Variants in DYNC2LI1 observed in about 807,000 individuals in gnomAD.
The protein encoded by DYNC2LI1 is cytoplasmic dynein 2 light intermediate chain 1.
In DYNC2LI1, 45 loss-of-function variants were observed where a neutral mutation model predicts 51.9. The observed-to-expected ratio is 0.87, with a 90% CI of 0.68 to 1.11. DYNC2LI1 has a LOEUF of 1.11. DYNC2LI1 is among the 50% of genes most tolerant of loss of function. DYNC2LI1 has a pLI of 0.00. For missense variants in DYNC2LI1, 490 were observed against 417.4 expected (o/e 1.17, Z -1.51); for synonymous variants, 130 against 137.8 (o/e 0.94, Z 0.40).
downstream of DYNC2LI1, chr2:43,813,103 G>T: frequency 9.6e-7 from 1 of 1,041,116 alleles, no homozygotes; most frequent in Non-Finnish European, 1.5e-6. Flanking sequence ...CATTTTCCCA[G>T]CCATGGCTTT....
chr2:43,788,224 T>C (rs896006992), intron 4 of DYNC2LI1, among the ~76,000 whole-genome samples: 2 of 152,222 alleles, frequency 1.3e-5, no homozygotes, highest in Admixed American at 6.5e-5. Flanking sequence ...AGGGAAGAAT[T>C]GTTTTTCCCA....
chr2:43,794,234 CTTAGT>C, intron 5 of DYNC2LI1: 1 of 413,236 alleles, frequency 2.4e-6, no homozygotes, highest in Non-Finnish European at 4.2e-6. Context: ...CAAACAGAAA[CTTAGT>C]TCCACTATTG....
rs775460164 is a variant in DYNC2LI1, at chr2:43,787,204, T to A, written c.185T>A (p.Leu62Ter). ...AGAGATGAACCACCAAAACCAACCT[T>A]AGCTTTGGAATATACATATGGAAGA... The part of the protein sequence containing the change: ...LDRDEPPKPT[L>*]ALEYTYGRRA... Residue 62 changes from leucine (L) to a stop codon, truncating the protein, a stop_gained, in exon 4 of 13, where the codon TTA becomes TAA. Transcript: ENST00000260605. LOFTEE classifies it high-confidence loss of function. 3 of 1,613,378 alleles carry A rather than the reference T, an allele frequency of 1.9e-6. No individual in the cohort carries two copies. In the East Asian group the frequency reaches 6.7e-5, roughly 36 times the overall value.
At chr2:43,792,762 C>T in intron 5 of DYNC2LI1, 2 of 1,544,538 alleles carry the variant, frequency 1.3e-6, no homozygotes, top group South Asian at 1.2e-5. Flanking sequence ...CATTATTTGT[C>T]CTTTTGTTAT....
chr2:43,820,813 C>T, the DYNC2LI1 span, among the ~76,000 whole-genome samples: 76 of 152,228 alleles, frequency 5.0e-4, no homozygotes, highest in African/African-American at 1.7e-3. Flanking sequence ...ACCACCACAC[C>T]CAGCTAATTT....
intron 12 of DYNC2LI1, among the ~76,000 whole-genome samples, chr2:43,808,363 AG>A (rs1309594190): frequency 6.6e-6 from 1 of 152,172 alleles, no homozygotes; most frequent in Non-Finnish European, 1.5e-5. Flanking sequence ...TAGGTATGAA[AG>A]GTACGCTCTG....
Position 43,804,638 on chromosome 2 carries a change from T to A in DYNC2LI1, c.803-4T>A. ...GTCATTTGTGGTAAAACTTGCTATT[T>A]TAGGATCTCCTCCTGTTCCTGAAAA... On this transcript the variant is annotated splice_region_variant and splice_polypyrimidine_tract_variant and intron_variant, in intron 10 of 12. Coordinates refer to ENST00000260605, the MANE Select transcript of DYNC2LI1 (RefSeq NM_016008.4). 1 of 1,577,652 alleles carries A rather than the reference T, an allele frequency of 6.3e-7. No homozygotes were observed. Among genetic ancestry groups the A allele is most frequent in the Non-Finnish European group, 8.6e-7 (1 of 1,163,618 alleles).
At chr2:43,775,020 T>C (rs2104650876) in intron 1 of DYNC2LI1, among the ~76,000 whole-genome samples, 1 of 145,944 alleles carries the variant, frequency 6.9e-6, no homozygotes, top group East Asian at 1.9e-4. Flanking sequence ...TGACCCTTTT[T>C]CTTATTCCTG....
At chr2:43,811,331 C>G (rs995626692), downstream of DYNC2LI1, among the ~76,000 whole-genome samples, 1 of 152,146 alleles carries the variant, frequency 6.6e-6, no homozygotes, top group Admixed American at 6.5e-5. Flanking sequence ...CCAATGCCTC[C>G]ACATCCTTAA....
the DYNC2LI1 span, chr2:43,823,836 G>A: frequency 1.3e-6 from 2 of 1,523,574 alleles, no homozygotes; most frequent in Non-Finnish European, 1.8e-6. Context: ...TATAATGGTA[G>A]ACTTTTGTAA....
At position 43,794,467 on chromosome 2, in the gene DYNC2LI1, C is replaced by G. The variant is rs751399000; in HGVS notation, c.331C>G (p.Leu111Val). The G allele has an allele frequency of 1.9e-6, 3 of 1,606,790 alleles. No individual in the cohort carries two copies. In the South Asian group the frequency reaches 3.3e-5, roughly 18 times the overall value. Reference protein sequence around the residue: ...ITGDTLRTFSLVLVLDLSKPN... With the variant: ...ITGDTLRTFSVVLVLDLSKPN... ...TTTTTATTTCTTTAGGACGTTTTCT[C>G]TTGTTCTCGTTCTGGATCTTTCAAA... The change falls in exon 6 of 13, where the codon CTT becomes GTT. Residue 111 changes from leucine (L) to valine (V), a missense_variant. Leu to Val is a conservative substitution (Grantham distance 32). Transcript: ENST00000260605.
chr2:43,821,890 G>A, the DYNC2LI1 span, among the ~76,000 whole-genome samples: 61 of 149,978 alleles, frequency 4.1e-4, no homozygotes, highest in Admixed American at 2.7e-3. Context: ...CTCTCTTCCC[G>A]CACCCCATCT....
At chr2:43,824,548 T>G in the DYNC2LI1 span, 15 of 1,587,110 alleles carry the variant, frequency 9.5e-6, no homozygotes, top group South Asian at 1.7e-4. Context: ...AAGATAAAAT[T>G]TGTGGTTAAT....
chr2:43,821,355 G>A, the DYNC2LI1 span, among the ~76,000 whole-genome samples: 2 of 152,166 alleles, frequency 1.3e-5, no homozygotes, highest in Non-Finnish European at 2.9e-5. Context: ...ATCCACATCA[G>A]TGGTTCCTAA....
downstream of DYNC2LI1, among the ~76,000 whole-genome samples, chr2:43,811,957 T>A (rs759797167): frequency 1.3e-5 from 2 of 152,234 alleles, no homozygotes; most frequent in Admixed American, 1.3e-4. Flanking sequence ...TACAGGTGTC[T>A]GTATTTATAC....
At chr2:43,801,583 C>A (rs114610395) in intron 9 of DYNC2LI1, 56 bp from the exon 10 acceptor site, 3 of 1,284,126 alleles carry the variant, frequency 2.3e-6, no homozygotes, top group Admixed American at 3.5e-5. Flanking sequence ...TACAGGAGAG[C>A]GTGGCAGCAA....
the DYNC2LI1 span, among the ~76,000 whole-genome samples, chr2:43,820,265 A>AGAC: frequency 6.6e-6 from 1 of 152,192 alleles, no homozygotes; most frequent in Non-Finnish European, 1.5e-5. Flanking sequence ...AGTCAACATG[A>AGAC]GACTATTTAT....
chr2:43,818,751 A>G, the DYNC2LI1 span, among the ~76,000 whole-genome samples: 1 of 152,194 alleles, frequency 6.6e-6, no homozygotes, highest in Non-Finnish European at 1.5e-5. Context: ...ATCAAAGCCT[A>G]ATTCACTTTG....
the DYNC2LI1 span, chr2:43,826,379 T>C: frequency 6.2e-7 from 1 of 1,613,956 alleles, no homozygotes; most frequent in Non-Finnish European, 8.5e-7. Context: ...TTGAACCTCT[T>C]ACCTGAAAAA....
Sources: gnomAD v4.1 joint callset for allele counts (sites outside exome capture counted in the v4.1 genomes callset) on GRCh38, gnomAD v4.1.1 for gene constraint, MANE v1.5 for transcripts, NCBI Gene and HGNC (gene_info 2026-07-23, HGNC 2026-07-21) for gene names.